The following EPHA6 variants were observed in gnomAD, a reference collection of about 807,000 sequenced individuals.
EPHA6 encodes the protein ephrin type-A receptor 6.
EPHA6 carries 50 observed loss-of-function variants against 112.0 expected under a neutral mutation model. The observed-to-expected ratio is 0.45, with a 90% CI of 0.36 to 0.56. The LOEUF (loss-of-function observed/expected upper bound fraction) is 0.56, where lower values mean the gene tolerates loss of function less well. Ranked by LOEUF, EPHA6 falls within the 20% of genes least tolerant of loss-of-function variation. The pLI is 0.00. For synonymous variants in EPHA6, 529 were observed against 490.7 expected, an observed-to-expected ratio of 1.08 and a Z score of -1.03; for missense variants, 1,280 against 1,417.4, an observed-to-expected ratio of 0.90 and a Z score of 1.56.
intron 5 of EPHA6, among the ~76,000 whole-genome samples, chr3:97,332,680 A>G (rs190733103): frequency 6.6e-6 from 1 of 152,058 alleles, no homozygotes; most frequent in Non-Finnish European, 1.5e-5. Context: ...TTGCCTGTGG[A>G]TGCTTACTTG....
At chr3:96,916,356 G>GA (rs2039482305) in intron 2 of EPHA6, among the ~76,000 whole-genome samples, 1 of 152,092 alleles carries the variant, frequency 6.6e-6, no homozygotes, top group African/African-American at 2.4e-5. Context: ...CTTCTTTGGG[G>GA]AATCTCCTTT....
At chr3:97,275,080 C>A (rs1480555265) in intron 5 of EPHA6, among the ~76,000 whole-genome samples, 1 of 152,130 alleles carries the variant, frequency 6.6e-6, no homozygotes, top group African/African-American at 2.4e-5. Context: ...AACATGAGGG[C>A]TAGGCTAAAA....
chr3:97,117,826 C>A (rs559654246), intron 3 of EPHA6, among the ~76,000 whole-genome samples: 1 of 151,692 alleles, frequency 6.6e-6, no homozygotes, highest in Admixed American at 6.6e-5. Flanking sequence ...TAAGAAGAAA[C>A]CAAGTATGAA....
At chr3:97,547,120 C>A (rs1286686054) in intron 11 of EPHA6, among the ~76,000 whole-genome samples, 2 of 152,206 alleles carry the variant, frequency 1.3e-5, no homozygotes, top group Non-Finnish European at 2.9e-5. Flanking sequence ...AGCTGCATTC[C>A]TCTGGAAGAG....
chr3:97,316,147 C>T (rs1171818685), intron 5 of EPHA6, among the ~76,000 whole-genome samples: 1 of 151,742 alleles, frequency 6.6e-6, no homozygotes, highest in African/African-American at 2.4e-5. Flanking sequence ...TAAGTTTTAT[C>T]AAATATATTT....
intron 2 of EPHA6, among the ~76,000 whole-genome samples, chr3:96,929,878 G>T (rs2040225923): frequency 1.3e-5 from 2 of 151,974 alleles, no homozygotes; most frequent in Non-Finnish European, 2.9e-5. Flanking sequence ...TCATAGGTTT[G>T]GTCTCTTTAC....
intron 2 of EPHA6, among the ~76,000 whole-genome samples, chr3:96,880,102 T>C (rs1365604671): frequency 6.6e-6 from 1 of 151,954 alleles, no homozygotes; most frequent in Non-Finnish European, 1.5e-5. Context: ...AAAGCTATTA[T>C]AATAAAAAAT....
chr3:97,039,467 T>C (rs1224901568), intron 3 of EPHA6, among the ~76,000 whole-genome samples: 1 of 151,710 alleles, frequency 6.6e-6, no homozygotes, highest in African/African-American at 2.4e-5. Context: ...GAATGGGAAA[T>C]GAAGAAGTAA....
At chr3:96,904,053 T>A (rs1297999202) in intron 2 of EPHA6, among the ~76,000 whole-genome samples, 1 of 152,094 alleles carries the variant, frequency 6.6e-6, no homozygotes, top group Non-Finnish European at 1.5e-5. Flanking sequence ...GTGTGGCGAT[T>A]CCTCAGGGAT....
rs1559887862 is a variant in EPHA6 at position 97,327,987 on chromosome 3, ATGTATATGTGTATGTATATG to A, written c.1607-77161_1607-77142del. On this transcript the variant is annotated intron_variant, in intron 5 of 17. Coordinates refer to ENST00000389672, the MANE Select transcript of EPHA6 (RefSeq NM_001080448.3). ...TATATATATGTATATGTGCATATAT[ATGTATATGTGTATGTATATG>A]TATATGTGTATATATGTATATGTGT... Among the ~76,000 whole-genome samples, 895 of 140,328 alleles carry A rather than the reference ATGTATATGTGTATGTATATG, an allele frequency of 6.4e-3. 31 individuals are homozygous for A. Among genetic ancestry groups the A allele is most frequent in the African/African-American group, 0.022 (746 of 34,446 alleles). 92.1% of individuals were successfully genotyped at this position (140,328 alleles called of 152,430 possible). A position where few individuals can be genotyped will look rare whatever the true frequency, so the allele number is the denominator to read the frequency against.
At chr3:96,856,748 G>A (rs1445223585) in intron 1 of EPHA6, among the ~76,000 whole-genome samples, 1 of 151,928 alleles carries the variant, frequency 6.6e-6, no homozygotes, top group Non-Finnish European at 1.5e-5. Flanking sequence ...AGTAAAACAG[G>A]GTCACTCCTT....
At chr3:97,478,374 C>T (rs2091436378) in intron 8 of EPHA6, among the ~76,000 whole-genome samples, 1 of 151,958 alleles carries the variant, frequency 6.6e-6, no homozygotes, top group African/African-American at 2.4e-5. Flanking sequence ...TAAGTATTGC[C>T]TAATAAACTT....
At chr3:97,414,468 AT>A (rs2087967657) in intron 6 of EPHA6, among the ~76,000 whole-genome samples, 1 of 152,054 alleles carries the variant, frequency 6.6e-6, no homozygotes, top group Admixed American at 6.6e-5. Flanking sequence ...AGAAAAAATA[AT>A]TACTACAAAA....
chr3:97,631,825 G>A (rs965807626), intron 13 of EPHA6, among the ~76,000 whole-genome samples: 2 of 151,866 alleles, frequency 1.3e-5, no homozygotes, highest in Admixed American at 1.3e-4. Flanking sequence ...ACACTGAATC[G>A]CCAGAGTTAT....
chr3:96,855,728 T>A lies in EPHA6; in HGVS notation c.386-11097T>A, dbSNP rs549965063. 8.7e-5 allele frequency among the ~76,000 whole-genome samples: 13 copies of A among 149,804 alleles called. No homozygotes were observed. The East Asian group carries it at 2.3e-3, about 27-fold the overall frequency. On this transcript the variant is annotated intron_variant, in intron 1 of 17. Transcript: ENST00000389672. ...ATACAGAAGAGATTCCTGAAGAACA[T>A]AAAATTTTGCATTTTTCAAAATATG...
intron 5 of EPHA6, among the ~76,000 whole-genome samples, chr3:97,399,435 T>C (rs1202151540): frequency 6.6e-6 from 1 of 151,530 alleles, no homozygotes; most frequent in Non-Finnish European, 1.5e-5. Context: ...TCATTTCATT[T>C]CCTCTCGATA....
chr3:97,627,278 A>G (rs1489792100), intron 13 of EPHA6, among the ~76,000 whole-genome samples: 2 of 151,952 alleles, frequency 1.3e-5, no homozygotes, highest in Non-Finnish European at 2.9e-5. Context: ...GTGGGTAGAG[A>G]AAAAAGAATT....
At chr3:97,359,085 C>G (rs921564286) in intron 5 of EPHA6, among the ~76,000 whole-genome samples, 1 of 144,850 alleles carries the variant, frequency 6.9e-6, no homozygotes, top group African/African-American at 2.6e-5. Context: ...ATATTTATAT[C>G]CATGTCTTTA....
At chr3:97,080,647 A>G (rs1017912688) in intron 3 of EPHA6, among the ~76,000 whole-genome samples, 1 of 152,108 alleles carries the variant, frequency 6.6e-6, no homozygotes, top group African/African-American at 2.4e-5. Flanking sequence ...TGAGAAATGA[A>G]TATTCTCCCA....
Sources: gnomAD v4.1 joint callset for allele counts (sites outside exome capture counted in the v4.1 genomes callset) on GRCh38, gnomAD v4.1.1 for gene constraint, MANE v1.5 for transcripts, NCBI Gene and HGNC (gene_info 2026-07-23, HGNC 2026-07-21) for gene names.